PTPRN2: variants seen among roughly 807,000 people sequenced by gnomAD.
The protein encoded by PTPRN2 is protein tyrosine phosphatase receptor type N2.
In PTPRN2, 74 loss-of-function variants were observed where a neutral mutation model predicts 118.8. The observed-to-expected ratio is 0.62, with a 90% CI of 0.52 to 0.76. The LOEUF is 0.76. Ranked by LOEUF, PTPRN2 falls within the 30% of genes least tolerant of loss-of-function variation. PTPRN2 has a pLI of 0.00. For missense variants in PTPRN2, 1,481 were observed against 1,394.4 expected, an observed-to-expected ratio of 1.06 and a Z score of -0.99; for synonymous variants, 641 against 608.0, an observed-to-expected ratio of 1.05 and a Z score of -0.80.
chr7:158,250,037 T>G (rs1222049958), intron 3 of PTPRN2, among the ~76,000 whole-genome samples: 4 of 152,164 alleles, frequency 2.6e-5, no homozygotes, highest in African/African-American at 9.6e-5. Flanking sequence ...TTCCTACACT[T>G]GACACTCAGA....
intron 3 of PTPRN2, among the ~76,000 whole-genome samples, chr7:158,243,931 G>A (rs1585954955): frequency 6.6e-6 from 1 of 152,266 alleles, no homozygotes; most frequent in Non-Finnish European, 1.5e-5. Context: ...TCTTTGCTTA[G>A]TTCTAAGTAC....
chr7:157,632,909 A>C lies in PTPRN2; in HGVS notation c.2197-11400T>G, dbSNP rs1307991748. On this transcript the variant is annotated intron_variant, in intron 14 of 22. Coordinates refer to ENST00000389418, the MANE Select transcript of PTPRN2 (RefSeq NM_002847.5). The surrounding 1 kb of genome is among the most constrained non-coding windows in gnomAD (Gnocchi z 4.3). ...TTAGGGCAAAAGAGGTCTGCTTGGC[A>C]TTCTAAGTGAAATGTGAATGCCTCA... is the stretch of plus-strand genomic sequence containing the variant. 1.3e-5 allele frequency among the ~76,000 whole-genome samples: 2 copies of C among 152,328 alleles called. No homozygotes were observed. Among genetic ancestry groups the C allele is most frequent in the African/African-American group, 4.8e-5 (2 of 41,584 alleles).
At chr7:158,450,683 G>A (rs914073977) in intron 2 of PTPRN2, among the ~76,000 whole-genome samples, 3 of 152,108 alleles carry the variant, frequency 2.0e-5, no homozygotes, top group South Asian at 4.2e-4. Context: ...GATCCGAGTC[G>A]CCCCGTCATG....
intron 21 of PTPRN2, among the ~76,000 whole-genome samples, chr7:157,557,275 T>C (rs1798947402): frequency 6.6e-6 from 1 of 150,822 alleles, no homozygotes; most frequent in Non-Finnish European, 1.5e-5. Flanking sequence ...ACTCACATCC[T>C]ACATCACATG....
At chr7:158,376,569 G>A (rs1239010572) in intron 2 of PTPRN2, among the ~76,000 whole-genome samples, 2 of 91,138 alleles carry the variant, frequency 2.2e-5, no homozygotes, top group Non-Finnish European at 2.3e-5. Flanking sequence ...CATCCTGCAC[G>A]CGGGGTCAGG....
chr7:157,631,462 G>A (rs1803936307), intron 14 of PTPRN2, among the ~76,000 whole-genome samples: 1 of 152,194 alleles, frequency 6.6e-6, no homozygotes, highest in East Asian at 1.9e-4. Context: ...ACTTTGGGAG[G>A]CTGAGGCGGG....
chr7:158,447,766 G>A (rs1817827378), intron 2 of PTPRN2, among the ~76,000 whole-genome samples: 1 of 152,254 alleles, frequency 6.6e-6, no homozygotes. Flanking sequence ...TAGCCAGGGA[G>A]CTGACCTCTC....
intron 13 of PTPRN2, among the ~76,000 whole-genome samples, chr7:157,660,052 T>A (rs12334138): frequency 0.031 from 4,787 of 152,316 alleles, 256 homozygotes; most frequent in African/African-American, 0.11. Context: ...ATACATCTCA[T>A]TTATTTCTCA....
intron 2 of PTPRN2, 62 bp from the exon 3 acceptor site, chr7:158,316,994 G>C: frequency 8.0e-7 from 1 of 1,251,642 alleles, no homozygotes; most frequent in Admixed American, 2.1e-5. Context: ...GCAGGAAGGT[G>C]TCACACACGT....
chr7:157,660,556 A>G (rs1480170227), intron 13 of PTPRN2, among the ~76,000 whole-genome samples: 1 of 152,222 alleles, frequency 6.6e-6, no homozygotes, highest in Admixed American at 6.5e-5. Flanking sequence ...AGATAATCCT[A>G]TAGTTACTGT....
At chr7:158,096,230 T>C (rs1814617523) in intron 10 of PTPRN2, among the ~76,000 whole-genome samples, 1 of 152,162 alleles carries the variant, frequency 6.6e-6, no homozygotes, top group Non-Finnish European at 1.5e-5. Flanking sequence ...TGGGGCCCTT[T>C]GTTGAAGAAT....
intron 11 of PTPRN2, among the ~76,000 whole-genome samples, chr7:157,963,788 G>A (rs1484236777): frequency 2.0e-5 from 3 of 152,252 alleles, no homozygotes; most frequent in Non-Finnish European, 2.9e-5. Flanking sequence ...TGCCAGAACA[G>A]GGCTAACTCG....
chr7:157,870,757 C>T (rs1333648348), intron 12 of PTPRN2, among the ~76,000 whole-genome samples: 2 of 152,216 alleles, frequency 1.3e-5, no homozygotes, highest in Admixed American at 6.5e-5. Flanking sequence ...TGTGAGCCGC[C>T]AGGAATCCTG....
At chr7:158,109,769 CGTCA>C (rs964071122) in intron 10 of PTPRN2, among the ~76,000 whole-genome samples, 19 of 149,028 alleles carry the variant, frequency 1.3e-4, no homozygotes, top group African/African-American at 4.5e-4. Context: ...CTGTGTGAAG[CGTCA>C]GTGAGTGAAT....
chr7:157,798,361 T>C (rs955970633), intron 12 of PTPRN2, among the ~76,000 whole-genome samples: 3 of 152,240 alleles, frequency 2.0e-5, no homozygotes, highest in African/African-American at 7.2e-5. Context: ...CTCTGGGAGA[T>C]GACAAGGATG....
At chr7:158,542,210 G>A (rs111282386) in intron 1 of PTPRN2, among the ~76,000 whole-genome samples, 5,515 of 152,338 alleles carry the variant, frequency 0.036, 144 homozygotes, top group Non-Finnish European at 0.055. Context: ...GAGTGCAGTG[G>A]TGCAATCTCG....
intron 12 of PTPRN2, among the ~76,000 whole-genome samples, chr7:157,723,734 G>A (rs1459564784): frequency 6.6e-6 from 1 of 152,182 alleles, no homozygotes; most frequent in Non-Finnish European, 1.5e-5. Flanking sequence ...CTCAGATGGA[G>A]TCTGATGAAA....
intron 11 of PTPRN2, among the ~76,000 whole-genome samples, chr7:158,010,724 T>C (rs1446109430): frequency 6.6e-6 from 1 of 152,268 alleles, no homozygotes; most frequent in Non-Finnish European, 1.5e-5. Flanking sequence ...TTATATACTT[T>C]AAAAAGTCTA....
chr7:157,580,669 C>T (rs1800315364), intron 17 of PTPRN2, among the ~76,000 whole-genome samples: 1 of 135,420 alleles, frequency 7.4e-6, no homozygotes, highest in Non-Finnish European at 1.6e-5. Context: ...CCTGAACACC[C>T]GAGCCCCTGC....
Sources: gnomAD v4.1 joint callset for allele counts (sites outside exome capture counted in the v4.1 genomes callset) on GRCh38, gnomAD v4.1.1 for gene constraint, Gnocchi (gnomAD v3.1) non-coding constraint, MANE v1.5 for transcripts, NCBI Gene and HGNC (gene_info 2026-07-23, HGNC 2026-07-21) for gene names.